FAT3: variants seen among roughly 807,000 people sequenced by gnomAD.
FAT3 encodes protocadherin Fat 3.
FAT3 carries 95 observed loss-of-function variants against 310.2 expected under a neutral mutation model. The observed-to-expected ratio is 0.31, with a 90% CI of 0.26 to 0.36. The LOEUF (loss-of-function observed/expected upper bound fraction) is 0.36, where lower values mean the gene tolerates loss of function less well. FAT3 is among the 10% of genes least tolerant of loss of function. FAT3 has a pLI of 1.00. For missense variants in FAT3, 5,408 were observed against 5,715.6 expected (o/e 0.95, Z 1.74); for synonymous variants, 2,314 against 2,192.9 (o/e 1.06, Z -1.54).
chr11:92,779,103 AG>A (rs951597637), intron 7 of FAT3, among the ~76,000 whole-genome samples: 2 of 152,062 alleles, frequency 1.3e-5, no homozygotes, highest in African/African-American at 4.8e-5. Context: ...CTTGGAAAAG[AG>A]TTGAGGAATC....
At chr11:92,299,906 A>G (rs1456804668) in intron 1 of FAT3, among the ~76,000 whole-genome samples, 2 of 152,142 alleles carry the variant, frequency 1.3e-5, no homozygotes, top group Admixed American at 1.3e-4. Flanking sequence ...ATAGCTCCAG[A>G]AAGAAATCTA....
intron 2 of FAT3, among the ~76,000 whole-genome samples, chr11:92,409,261 CGT>C (rs36122158): frequency 0.16 from 23,937 of 149,772 alleles, 2,269 homozygotes; most frequent in African/African-American, 0.27. Flanking sequence ...GTGTGTGTGT[CGT>C]GTGTGTGTGT....
In FAT3 at chr11:92,261,501, C is replaced by G. The variant is rs531186298; in HGVS notation, c.-18+36327C>G. Among the ~76,000 whole-genome samples, 3 of 152,174 alleles carry G rather than the reference C, an allele frequency of 2.0e-5. No homozygotes were observed. The East Asian group carries it at 5.8e-4, about 29-fold the overall frequency. The stretch of plus-strand genomic sequence containing the variant: ...ATTTTAGGAACAATGCTTTAGTTTT[C>G]TCTTGCTCTTTTTGTCTTTTAACTT... On this transcript the variant is annotated intron_variant, in intron 1 of 27. Coordinates refer to ENST00000525166, the MANE Select transcript of FAT3 (RefSeq NM_001367949.2).
intron 2 of FAT3, among the ~76,000 whole-genome samples, chr11:92,365,610 G>A (rs1466395291): frequency 6.6e-6 from 1 of 152,164 alleles, no homozygotes; most frequent in Non-Finnish European, 1.5e-5. Flanking sequence ...ATACTGATCT[G>A]GAAAAAGGAT....
intron 13 of FAT3, among the ~76,000 whole-genome samples, chr11:92,831,364 G>A (rs1948243186): frequency 6.6e-6 from 1 of 152,064 alleles, no homozygotes; most frequent in Non-Finnish European, 1.5e-5. Flanking sequence ...ATTTGTGGGG[G>A]GCGAGTTGTA....
intron 3 of FAT3, among the ~76,000 whole-genome samples, chr11:92,631,727 A>C (rs1037307224): frequency 1.3e-5 from 2 of 152,250 alleles, no homozygotes; most frequent in African/African-American, 4.8e-5. Context: ...ACAGAGGATT[A>C]ATTGCTACAA....
chr11:92,737,823 G>C (rs762264444), intron 4 of FAT3, among the ~76,000 whole-genome samples: 4 of 151,986 alleles, frequency 2.6e-5, no homozygotes, highest in Non-Finnish European at 4.4e-5. Flanking sequence ...ACAGTGTCAA[G>C]AATTGTTCAA....
intron 1 of FAT3, among the ~76,000 whole-genome samples, chr11:92,228,667 T>C (rs977952428): frequency 6.6e-6 from 1 of 152,244 alleles, no homozygotes; most frequent in African/African-American, 2.4e-5. Flanking sequence ...TCCTGGTGGC[T>C]GTTGCGTTGT....
rs913791177 is a variant in FAT3, at chr11:92,891,804, C to G, written c.*691C>G. The G allele has an allele frequency of 6.6e-5, 10 of 152,252 alleles. No homozygotes were observed. The highest frequency in any genetic ancestry group is 4.6e-4 in the Admixed American group (7 of 15,290). The allele number at this position is 152,252 out of a possible 1,614,324, so 9.4% of individuals were successfully genotyped here. A position where few individuals can be genotyped will look rare whatever the true frequency, so the allele number is the denominator to read the frequency against. ...GGTATCAATGAAGAGCAACATGAGG[C>G]TTTTTGGGTTCCATTTGGTGGGTGG... On this transcript the variant is annotated 3_prime_UTR_variant, in exon 28 of 28. Coordinates refer to ENST00000525166, the MANE Select transcript of FAT3 (RefSeq NM_001367949.2).
At chr11:92,692,826 A>G (rs950689483) in intron 3 of FAT3, among the ~76,000 whole-genome samples, 2 of 152,210 alleles carry the variant, frequency 1.3e-5, no homozygotes, top group Non-Finnish European at 2.9e-5. Context: ...CCAGCTTCCA[A>G]CAGTCTTGGA....
chr11:92,757,115 G>T lies in FAT3; in HGVS notation c.3670-4741G>T, dbSNP rs1221150933. On this transcript the variant is annotated intron_variant, in intron 4 of 27. Coordinates refer to ENST00000525166, the MANE Select transcript of FAT3 (RefSeq NM_001367949.2). ...AATTTTGCACTTTTAGTAGAGACAG[G>T]GTTTCTCCATGTTGGTCAGGCTGGT... is the stretch of plus-strand genomic sequence containing the variant. 2.6e-5 allele frequency among the ~76,000 whole-genome samples: 4 copies of T among 151,694 alleles called. No homozygotes were observed. In the East Asian group the frequency reaches 7.8e-4, roughly 29 times the overall value.
At chr11:92,250,635 A>C (rs776632547) in intron 1 of FAT3, among the ~76,000 whole-genome samples, 1 of 152,164 alleles carries the variant, frequency 6.6e-6, no homozygotes, top group Non-Finnish European at 1.5e-5. Flanking sequence ...GCAAAACTGC[A>C]TTCAAGAATG....
chr11:92,449,012 T>A lies in FAT3; in HGVS notation c.3293-75622T>A, dbSNP rs1363080326. 3.3e-5 allele frequency among the ~76,000 whole-genome samples: 5 copies of A among 152,120 alleles called. No homozygotes were observed. The East Asian group carries it at 9.7e-4, about 29-fold the overall frequency. On this transcript the variant is annotated intron_variant, in intron 2 of 27. Coordinates refer to ENST00000525166, the MANE Select transcript of FAT3 (RefSeq NM_001367949.2). ...ACATTTTATGCCAGGGCCTCTTGTG[T>A]TGCCGATTCAGCCAACATTTAGTGA... is the stretch of plus-strand genomic sequence containing the variant.
intron 3 of FAT3, among the ~76,000 whole-genome samples, chr11:92,622,816 C>T (rs901108905): frequency 6.6e-6 from 1 of 152,150 alleles, no homozygotes; most frequent in African/African-American, 2.4e-5. Flanking sequence ...AATCTTCTGC[C>T]TGAAATGATG....
At chr11:92,474,598 G>A (rs1952000711) in intron 2 of FAT3, among the ~76,000 whole-genome samples, 1 of 152,122 alleles carries the variant, frequency 6.6e-6, no homozygotes, top group Non-Finnish European at 1.5e-5. Context: ...GGGACCACAG[G>A]GAGATGAGGA....
intron 3 of FAT3, among the ~76,000 whole-genome samples, chr11:92,545,512 A>G (rs981621122): frequency 6.6e-5 from 10 of 152,232 alleles, no homozygotes; most frequent in African/African-American, 2.4e-4. Context: ...TTAGTGATAG[A>G]ATAAATTTGC....
At chr11:92,630,067 G>A (rs1385319397) in intron 3 of FAT3, among the ~76,000 whole-genome samples, 3 of 152,084 alleles carry the variant, frequency 2.0e-5, no homozygotes, top group Non-Finnish European at 2.9e-5. Flanking sequence ...TCACTCATCA[G>A]TCCTTCTCCA....
chr11:92,422,963 C>T (rs1421663839), intron 2 of FAT3, among the ~76,000 whole-genome samples: 1 of 152,102 alleles, frequency 6.6e-6, no homozygotes, highest in Non-Finnish European at 1.5e-5. Context: ...CATTCTTCCC[C>T]CTTCTCTATG....
intron 6 of FAT3, among the ~76,000 whole-genome samples, chr11:92,765,315 C>T (rs911483814): frequency 6.6e-6 from 1 of 152,122 alleles, no homozygotes; most frequent in African/African-American, 2.4e-5. Context: ...CTGGATTTTC[C>T]ATAGTACGTT....
Sources: allele counts gnomAD v4.1 joint callset (sites outside exome capture counted in the v4.1 genomes callset), GRCh38; gene constraint gnomAD v4.1.1; transcripts MANE v1.5; gene names NCBI Gene and HGNC (gene_info 2026-07-23, HGNC 2026-07-21).